The following CNTNAP2 variants were observed in gnomAD, a reference collection of about 807,000 sequenced individuals.
The protein encoded by CNTNAP2 is contactin-associated protein-like 2.
A neutral mutation model predicts 155.2 loss-of-function variants in CNTNAP2; 98 were observed. That is an observed-to-expected ratio of 0.63 (90% CI 0.54 to 0.75). The LOEUF is 0.75. Ranked by LOEUF, CNTNAP2 falls within the 30% of genes least tolerant of loss-of-function variation. The pLI, the probability that CNTNAP2 is intolerant of heterozygous loss-of-function variation, is 0.00. For missense variants in CNTNAP2, 1,727 were observed against 1,688.1 expected, an observed-to-expected ratio of 1.02 and a Z score of -0.40; for synonymous variants, 651 against 631.2, an observed-to-expected ratio of 1.03 and a Z score of -0.47.
chr7:147,294,052 C>T (rs1805368953), intron 8 of CNTNAP2, among the ~76,000 whole-genome samples: 1 of 152,158 alleles, frequency 6.6e-6, no homozygotes, highest in African/African-American at 2.4e-5. Flanking sequence ...GTACATACCA[C>T]ACTGTATGTG....
chr7:148,401,161 A>T (rs191284087), intron 22 of CNTNAP2, among the ~76,000 whole-genome samples: 23 of 152,316 alleles, frequency 1.5e-4, no homozygotes, highest in African/African-American at 4.8e-4. Context: ...TGCTCCTGGC[A>T]GTGAGGCTCT....
At chr7:147,748,151 A>G (rs879895874) in intron 13 of CNTNAP2, among the ~76,000 whole-genome samples, 1 of 152,232 alleles carries the variant, frequency 6.6e-6, no homozygotes, top group Non-Finnish European at 1.5e-5. Flanking sequence ...ATAAATGCAA[A>G]TGACCTTGAC....
At chr7:147,639,712 T>C (rs977918511) in intron 13 of CNTNAP2, among the ~76,000 whole-genome samples, 4 of 152,202 alleles carry the variant, frequency 2.6e-5, no homozygotes, top group African/African-American at 4.8e-5. Flanking sequence ...AGAATAGCGA[T>C]AGAATTTAGA....
At chr7:147,489,818 C>T (rs554077644) in intron 11 of CNTNAP2, among the ~76,000 whole-genome samples, 152 of 152,174 alleles carry the variant, frequency 1.0e-3, no homozygotes, top group African/African-American at 3.4e-3. Flanking sequence ...GGATTCACTG[C>T]GTTAGCCAGG....
intron 2 of CNTNAP2, among the ~76,000 whole-genome samples, chr7:146,830,973 G>A (rs1209024662): frequency 1.3e-5 from 2 of 152,124 alleles, no homozygotes; most frequent in Non-Finnish European, 2.9e-5. Context: ...TTATCTCCCA[G>A]CCCACATTTT....
chr7:146,464,193 T>G (rs1212199144), intron 1 of CNTNAP2, among the ~76,000 whole-genome samples: 5 of 150,348 alleles, frequency 3.3e-5, no homozygotes, highest in Non-Finnish European at 5.9e-5. Context: ...AACTGTTTTT[T>G]TTTTTTTTTT....
rs764498372 is a variant in CNTNAP2, at chr7:148,147,660, C to G, written c.2724C>G (p.Ala908=). The part of the protein sequence containing the change: ...VDRLPQQIRK[A]PTEGHTRLEL... ...GGCTACCGCAGCAGATCCGCAAGGC[C>G]CCAACAGAAGGCCACACCCGCCTGG... Residue 908 remains alanine, a synonymous_variant, in exon 17 of 24, where the codon GCC becomes GCG. Coordinates refer to ENST00000361727, the MANE Select transcript of CNTNAP2 (RefSeq NM_014141.6). 1.2e-6 allele frequency: 2 copies of G among 1,613,914 alleles called. No individual in the cohort carries two copies. Among genetic ancestry groups the G allele is most frequent in the African/African-American group, 2.7e-5 (2 of 74,868 alleles).
chr7:146,483,274 TA>T (rs1172354064), intron 1 of CNTNAP2, among the ~76,000 whole-genome samples: 2,493 of 40,890 alleles, frequency 0.061, 175 homozygotes, highest in Non-Finnish European at 0.077. Context: ...AGACTCCGTC[TA>T]AAAAAAAATA....
At chr7:146,574,386 T>G (rs1798490499) in intron 1 of CNTNAP2, among the ~76,000 whole-genome samples, 1 of 152,098 alleles carries the variant, frequency 6.6e-6, no homozygotes, top group Admixed American at 6.6e-5. Flanking sequence ...GCAATATTAA[T>G]TAATACCAAC....
intron 15 of CNTNAP2, among the ~76,000 whole-genome samples, chr7:148,051,999 C>T (rs182582110): frequency 1.1e-3 from 166 of 152,076 alleles, no homozygotes; most frequent in African/African-American, 4.0e-3. Context: ...ATTAGCCGGG[C>T]GTGGTGGCAG....
chr7:147,101,512 G>A (rs1800652398), intron 4 of CNTNAP2, among the ~76,000 whole-genome samples: 1 of 152,162 alleles, frequency 6.6e-6, no homozygotes, highest in Non-Finnish European at 1.5e-5. Context: ...GAGTCAGGGT[G>A]ACAGCCTTTT....
intron 3 of CNTNAP2, among the ~76,000 whole-genome samples, chr7:146,927,004 G>A (rs1428835027): frequency 6.6e-6 from 1 of 152,120 alleles, no homozygotes; most frequent in Non-Finnish European, 1.5e-5. Flanking sequence ...GAAACTTTCA[G>A]CAAAAAGAAT....
chr7:147,094,529 G>C (rs575809800), intron 4 of CNTNAP2, among the ~76,000 whole-genome samples: 1 of 151,044 alleles, frequency 6.6e-6, no homozygotes, highest in Admixed American at 6.6e-5. Flanking sequence ...AGCCTCCCGC[G>C]TAGCTGGGAC....
At position 147,407,467 on chromosome 7, in the gene CNTNAP2, C is replaced by CAAA. The variant is rs768738493; in HGVS notation, c.1670+11722_1670+11724dup. On this transcript the variant is annotated intron_variant, in intron 10 of 23. Transcript: ENST00000361727. ...TGGGCAACAGAGCGAGACTCCCTCTCAAAAAAAAAAAAAAAAAAAAAAAAA... is the reference window on the plus strand; with the variant it reads ...TGGGCAACAGAGCGAGACTCCCTCTCAAAAAAAAAAAAAAAAAAAAAAAAAAAA... 7.7e-5 allele frequency among the ~76,000 whole-genome samples: 5 copies of CAAA among 64,864 alleles called. 1 individual carries two copies. Among genetic ancestry groups the CAAA allele is most frequent in the Non-Finnish European group, 1.4e-4 (5 of 35,002 alleles). 42.6% of individuals were successfully genotyped at this position (64,864 alleles called of 152,430 possible).
chr7:148,302,146 G>T (rs1222620805), intron 21 of CNTNAP2, among the ~76,000 whole-genome samples: 4 of 152,200 alleles, frequency 2.6e-5, no homozygotes, highest in Non-Finnish European at 5.9e-5. Context: ...CCTTGTGAAG[G>T]CCACTTTCTT....
intron 9 of CNTNAP2, among the ~76,000 whole-genome samples, chr7:147,329,538 C>T (rs764895278): frequency 2.9e-4 from 44 of 152,006 alleles, no homozygotes; most frequent in African/African-American, 6.5e-4. Flanking sequence ...ACATAAGATA[C>T]GATTGCCAGA....
chr7:148,242,365 A>G (rs563935724), intron 20 of CNTNAP2, among the ~76,000 whole-genome samples: 5 of 152,288 alleles, frequency 3.3e-5, no homozygotes, highest in African/African-American at 9.6e-5. Flanking sequence ...CTGCCCTTCC[A>G]CTCAGGCAGG....
intron 1 of CNTNAP2, among the ~76,000 whole-genome samples, chr7:146,748,687 G>T (rs1801853904): frequency 6.6e-6 from 1 of 152,028 alleles, no homozygotes; most frequent in Non-Finnish European, 1.5e-5. Context: ...ATAATATGAT[G>T]GAAACATTTT....
intron 13 of CNTNAP2, among the ~76,000 whole-genome samples, chr7:147,802,740 C>T (rs1329313547): frequency 3.5e-5 from 5 of 142,396 alleles, no homozygotes; most frequent in African/African-American, 1.4e-4. Flanking sequence ...AGTCCAGCTT[C>T]CGCTCGGCAT....
Sources: gnomAD v4.1 joint callset for allele counts (sites outside exome capture counted in the v4.1 genomes callset) on GRCh38, gnomAD v4.1.1 for gene constraint, MANE v1.5 for transcripts, NCBI Gene and HGNC (gene_info 2026-07-23, HGNC 2026-07-21) for gene names.